KIAA1549L: variants seen among roughly 807,000 people sequenced by gnomAD.
The protein encoded by KIAA1549L is KIAA1549 like.
A neutral mutation model predicts 160.7 loss-of-function variants in KIAA1549L; 88 were observed. The ratio of observed to expected loss-of-function variants is 0.55; its 90% confidence interval spans 0.46 to 0.65. The LOEUF (loss-of-function observed/expected upper bound fraction) is 0.65. Among genes scored for constraint, KIAA1549L ranks in the 30% least tolerant of loss-of-function variants. The probability of loss-of-function intolerance (pLI) is 0.00; values close to 1 mark genes in which losing one functional copy is unlikely to be tolerated. For missense variants in KIAA1549L, 2,258 were observed against 2,437.5 expected (o/e 0.93, Z 1.55); for synonymous variants, 950 against 976.7 (o/e 0.97, Z 0.51).
At chr11:33,632,651 T>G (rs1478702142) in intron 16 of KIAA1549L, among the ~76,000 whole-genome samples, 1 of 152,174 alleles carries the variant, frequency 6.6e-6, no homozygotes, top group East Asian at 1.9e-4. Flanking sequence ...TAATCACAGC[T>G]CACTGCAGCC....
chr11:33,540,153 T>TTG (rs745637037), intron 1 of KIAA1549L, among the ~76,000 whole-genome samples: 3 of 151,882 alleles, frequency 2.0e-5, no homozygotes, highest in Non-Finnish European at 4.4e-5. Flanking sequence ...TGCAGAATTT[T>TTG]TGTGTGTGTG....
intron 16 of KIAA1549L, among the ~76,000 whole-genome samples, chr11:33,645,399 G>C (rs1357054802): frequency 6.6e-6 from 1 of 152,086 alleles, no homozygotes; most frequent in Admixed American, 6.5e-5. Context: ...TAATGTCATC[G>C]GTGAAAGCCA....
intron 1 of KIAA1549L, among the ~76,000 whole-genome samples, chr11:33,530,423 AAAAAAAAAAAAAAATAT>A (rs1475894015): frequency 6.7e-4 from 10 of 14,838 alleles, no homozygotes; most frequent in African/African-American, 2.4e-3. Context: ...GGAAAAAAAA[AAAAAAAAAAAAAAATAT>A]ATATATATAT....
intron 1 of KIAA1549L, among the ~76,000 whole-genome samples, chr11:33,466,628 A>T (rs1026249634): frequency 5.9e-5 from 9 of 152,178 alleles, no homozygotes; most frequent in African/African-American, 2.2e-4. Context: ...CTATATACCC[A>T]AAGGTTTATA....
chr11:33,621,773 C>G (rs1850964305), intron 16 of KIAA1549L, among the ~76,000 whole-genome samples: 1 of 152,102 alleles, frequency 6.6e-6, no homozygotes, highest in East Asian at 1.9e-4. Flanking sequence ...ACCTTTGCTT[C>G]CAAAAGGTAA....
At chr11:33,531,692 C>T (rs1020042929) in intron 1 of KIAA1549L, among the ~76,000 whole-genome samples, 2 of 152,142 alleles carry the variant, frequency 1.3e-5, no homozygotes, top group Non-Finnish European at 2.9e-5. Flanking sequence ...TGGTGCATTT[C>T]GTTTTAAAAA....
intron 10 of KIAA1549L, among the ~76,000 whole-genome samples, chr11:33,582,349 C>T (rs141135411): frequency 2.0e-3 from 301 of 152,238 alleles, no homozygotes; most frequent in African/African-American, 7.0e-3. Context: ...GCAGGTCTCA[C>T]CACGTGGCAC....
intron 1 of KIAA1549L, among the ~76,000 whole-genome samples, chr11:33,517,573 T>C (rs1038491396): frequency 2.6e-5 from 4 of 152,222 alleles, no homozygotes; most frequent in Non-Finnish European, 4.4e-5. Context: ...TGGGTTCATA[T>C]AGACTGAATT....
intron 6 of KIAA1549L, 41 bp from the exon 7 acceptor site, chr11:33,559,708 T>G (rs1251749413): frequency 2.5e-6 from 4 of 1,586,300 alleles, no homozygotes; most frequent in Non-Finnish European, 2.6e-6. Flanking sequence ...CCTGGTCTTA[T>G]TTGGCCTGTC....
intron 13 of KIAA1549L, chr11:33,599,183 G>A (rs2133305556): frequency 6.3e-6 from 2 of 315,252 alleles, no homozygotes; most frequent in East Asian, 1.1e-4. Context: ...ATGAAATGGT[G>A]TAGTTCCTTA....
In KIAA1549L at chr11:33,542,790, A is replaced by G. The variant is rs538621862; in HGVS notation, c.1227A>G (p.Thr409=). 4 of 1,613,894 alleles carry G rather than the reference A, an allele frequency of 2.5e-6. No individual in the cohort carries two copies. Among genetic ancestry groups the G allele is most frequent in the African/African-American group, 2.7e-5 (2 of 75,074 alleles). ...NGVSLPTFKN[T]ETATHEAEPP... is the part of the protein sequence containing the mutation. ...TGTCTTTGCCAACTTTTAAGAATAC[A>G]GAAACAGCGACCCATGAGGCTGAGC... The change falls in exon 2 of 21, where the codon ACA becomes ACG. Residue 409 remains threonine, a synonymous_variant. Transcript: ENST00000658780.
intron 1 of KIAA1549L, among the ~76,000 whole-genome samples, chr11:33,414,990 T>G (rs1850859741): frequency 6.6e-6 from 1 of 152,126 alleles, no homozygotes; most frequent in South Asian, 2.1e-4. Context: ...AATTTGTCAT[T>G]TGCGTTTTAA....
intron 1 of KIAA1549L, among the ~76,000 whole-genome samples, chr11:33,516,706 C>T (rs986624988): frequency 1.1e-4 from 16 of 152,114 alleles, no homozygotes; most frequent in Non-Finnish European, 2.4e-4. Context: ...AAACAAAAAA[C>T]ACCTGTTTTC....
chr11:33,544,506 C>T (rs985287985), intron 2 of KIAA1549L, among the ~76,000 whole-genome samples, 170 bp downstream of exon 2: 2 of 152,192 alleles, frequency 1.3e-5, no homozygotes, highest in African/African-American at 4.8e-5. Flanking sequence ...CCTCATTGAT[C>T]CTGTGCCCAC....
chr11:33,484,115 TTTTCTATTA>T (rs1367034417), intron 1 of KIAA1549L, among the ~76,000 whole-genome samples: 1 of 152,178 alleles, frequency 6.6e-6, no homozygotes, highest in Non-Finnish European at 1.5e-5. Context: ...TCTATAATTA[TTTTCTATTA>T]TTTCTATTAT....
At chr11:33,654,798 A>C (rs1852008130) in intron 17 of KIAA1549L, among the ~76,000 whole-genome samples, 1 of 152,234 alleles carries the variant, frequency 6.6e-6, no homozygotes, top group Non-Finnish European at 1.5e-5. Flanking sequence ...TTTCCCTGAC[A>C]TCTTGCAGTT....
Position 33,598,922 on chromosome 11 carries a change from AAAG to A in KIAA1549L, c.4855_4857del (p.Lys1619del). ...ATGTAATGGCACAGCAGAAAGTGAC[AAAG>A]GAGGAGGCAAGGAAGAGAAATGGTG... is the stretch of plus-strand genomic sequence containing the variant. On this transcript the variant is annotated inframe_deletion, in exon 13 of 21. Coordinates refer to ENST00000658780, the MANE Select transcript of KIAA1549L (RefSeq NM_012194.3). The A allele has an allele frequency of 5.0e-6, 8 of 1,613,712 alleles. No individual in the cohort carries two copies. The highest frequency in any genetic ancestry group is 6.8e-6 in the Non-Finnish European group (8 of 1,179,778).
intron 1 of KIAA1549L, among the ~76,000 whole-genome samples, chr11:33,531,623 C>T (rs1853775501): frequency 6.6e-6 from 1 of 152,186 alleles, no homozygotes; most frequent in Admixed American, 6.5e-5. Flanking sequence ...TCAGTGCAGT[C>T]AACAGAATCT....
chr11:33,510,553 T>C (rs1853205185), intron 1 of KIAA1549L, among the ~76,000 whole-genome samples: 1 of 152,194 alleles, frequency 6.6e-6, no homozygotes, highest in Non-Finnish European at 1.5e-5. Context: ...TGGAGGACAC[T>C]AATGTTGAAC....
Sources: gnomAD v4.1 joint callset for allele counts (sites outside exome capture counted in the v4.1 genomes callset) on GRCh38, gnomAD v4.1.1 for gene constraint, MANE v1.5 for transcripts, NCBI Gene and HGNC (gene_info 2026-07-23, HGNC 2026-07-21) for gene names.